Variants in AKAP6 observed in about 807,000 individuals in gnomAD.
AKAP6 encodes the protein A-kinase anchor protein 6.
In AKAP6, 58 loss-of-function variants were observed where a neutral mutation model predicts 188.5. The ratio of observed to expected loss-of-function variants is 0.31; its 90% confidence interval spans 0.25 to 0.38. AKAP6 has a LOEUF of 0.38. Ranked by LOEUF, AKAP6 falls within the 10% of genes least tolerant of loss-of-function variation. The probability of loss-of-function intolerance (pLI) is 1.00; values close to 1 mark genes in which losing one functional copy is unlikely to be tolerated. For missense variants in AKAP6, 2,710 were observed against 2,740.0 expected (o/e 0.99, Z 0.24); for synonymous variants, 989 against 998.6 (o/e 0.99, Z 0.18).
chr14:32,624,561 A>C (rs547624526), intron 7 of AKAP6, among the ~76,000 whole-genome samples: 2 of 152,288 alleles, frequency 1.3e-5, no homozygotes, highest in African/African-American at 4.8e-5. Flanking sequence ...CAGATTTCCT[A>C]TGTAAAAGAG....
chr14:32,559,169 A>T (rs963142419), intron 4 of AKAP6, among the ~76,000 whole-genome samples: 2 of 152,236 alleles, frequency 1.3e-5, no homozygotes, highest in African/African-American at 4.8e-5. Context: ...TTGAGTTTGA[A>T]CTTTATTCTC....
At chr14:32,645,996 T>C (rs1342505488) in intron 7 of AKAP6, among the ~76,000 whole-genome samples, 1 of 152,172 alleles carries the variant, frequency 6.6e-6, no homozygotes, top group Non-Finnish European at 1.5e-5. Flanking sequence ...GATGGCATTA[T>C]ATTTTAATGG....
At chr14:32,391,260 A>G (rs145470424) in intron 1 of AKAP6, among the ~76,000 whole-genome samples, 27 of 152,304 alleles carry the variant, frequency 1.8e-4, no homozygotes, top group Admixed American at 6.5e-4. Flanking sequence ...TGGAAGTTGC[A>G]AAATTCCTTG....
At chr14:32,776,880 G>C (rs2033083941) in intron 12 of AKAP6, among the ~76,000 whole-genome samples, 1 of 152,142 alleles carries the variant, frequency 6.6e-6, no homozygotes, top group Admixed American at 6.5e-5. Flanking sequence ...CTACAGGGCA[G>C]AGTGCCAAAG....
rs1374787778 is a variant in AKAP6 at position 32,466,924 on chromosome 14, A to C, written c.324+33107A>C. ...AAAACAATTGAGGAAATATATACAT[A>C]TATTGGACATTTGATAATATAAAGG... is the stretch of plus-strand genomic sequence containing the variant. On this transcript the variant is annotated intron_variant, in intron 2 of 13. Coordinates refer to ENST00000280979, the MANE Select transcript of AKAP6 (RefSeq NM_004274.5). Among the ~76,000 whole-genome samples the C allele has an allele frequency of 3.3e-5, 5 of 149,386 alleles. No individual in the cohort carries two copies. The South Asian group carries it at 1.0e-3, about 31-fold the overall frequency.
intron 1 of AKAP6, among the ~76,000 whole-genome samples, chr14:32,341,191 T>C (rs1886877190): frequency 6.6e-6 from 1 of 152,216 alleles, no homozygotes; most frequent in Non-Finnish European, 1.5e-5. Context: ...TTTCTATTTG[T>C]TTTTTCTCTT....
chr14:32,495,892 T>C (rs1259861072), intron 2 of AKAP6, among the ~76,000 whole-genome samples: 1 of 152,204 alleles, frequency 6.6e-6, no homozygotes, highest in Non-Finnish European at 1.5e-5. Flanking sequence ...ATAAACTCAG[T>C]TAAACTACTG....
At chr14:32,620,090 T>C (rs1292186418) in intron 7 of AKAP6, among the ~76,000 whole-genome samples, 1 of 151,796 alleles carries the variant, frequency 6.6e-6, no homozygotes. Context: ...GGAGGATTCT[T>C]TATGATCAAA....
intron 1 of AKAP6, among the ~76,000 whole-genome samples, chr14:32,330,062 C>T (rs1886483808): frequency 6.6e-6 from 1 of 152,078 alleles, no homozygotes; most frequent in Non-Finnish European, 1.5e-5. Context: ...CATATTTTTC[C>T]ATCTCTAGCT....
intron 2 of AKAP6, among the ~76,000 whole-genome samples, chr14:32,533,996 C>G (rs906835186): frequency 2.0e-5 from 3 of 152,122 alleles, no homozygotes; most frequent in Admixed American, 6.5e-5. Context: ...CCACTGTCAC[C>G]AATTAGTTCT....
chr14:32,335,652 G>A (rs948083076), intron 1 of AKAP6, among the ~76,000 whole-genome samples: 21 of 151,986 alleles, frequency 1.4e-4, no homozygotes, highest in Non-Finnish European at 2.5e-4. Flanking sequence ...TTGCTTTCAG[G>A]GGAGAAATCA....
rs1887869870 is a variant in AKAP6 at position 32,367,401 on chromosome 14, T to G, written c.-35+37993T>G. The stretch of plus-strand genomic sequence containing the variant: ...CATCTCCTTGCTTTTTAAAAATTAT[T>G]AATTGTTCAGGAGCTAAGTTTGTGA... On this transcript the variant is annotated intron_variant, in intron 1 of 13. Transcript: ENST00000280979. 2.0e-5 allele frequency among the ~76,000 whole-genome samples: 3 copies of G among 152,202 alleles called. No homozygotes were observed. The South Asian group carries it at 6.2e-4, about 32-fold the overall frequency.
At chr14:32,787,224 G>A (rs767277434) in intron 12 of AKAP6, among the ~76,000 whole-genome samples, 3 of 151,986 alleles carry the variant, frequency 2.0e-5, no homozygotes, top group African/African-American at 7.3e-5. Flanking sequence ...TGAAAGAAAG[G>A]GGGGGAACCC....
intron 12 of AKAP6, among the ~76,000 whole-genome samples, chr14:32,781,734 A>G (rs1024154894): frequency 6.6e-5 from 10 of 152,222 alleles, no homozygotes; most frequent in South Asian, 2.1e-4. Flanking sequence ...GCCTAGAAAT[A>G]CGTAGTTTCA....
At chr14:32,655,295 A>G (rs1888409190) in intron 7 of AKAP6, among the ~76,000 whole-genome samples, 1 of 152,146 alleles carries the variant, frequency 6.6e-6, no homozygotes, top group South Asian at 2.1e-4. Context: ...GTGAAACTGG[A>G]TGTGATTTCT....
chr14:32,731,311 A>G (rs538908816), intron 9 of AKAP6, among the ~76,000 whole-genome samples: 8 of 152,208 alleles, frequency 5.3e-5, no homozygotes, highest in African/African-American at 1.2e-4. Context: ...TCTGCTTCCA[A>G]TTGTATTTTT....
chr14:32,815,760 A>C (rs1401406236), intron 12 of AKAP6, among the ~76,000 whole-genome samples: 1 of 152,212 alleles, frequency 6.6e-6, no homozygotes, highest in Non-Finnish European at 1.5e-5. Flanking sequence ...GATGGCTGCC[A>C]GTCATTCCAC....
rs1252298776 is a variant in AKAP6, at chr14:32,388,500, T to C, written c.-34-44960T>C. Reference sequence around the variant, plus strand: ...ATGTAGGTGTTTAGGGCTATGAACTTTCCTCTTAACACTGCCTTTGCTATG... The same window carrying C: ...ATGTAGGTGTTTAGGGCTATGAACTCTCCTCTTAACACTGCCTTTGCTATG... On this transcript the variant is annotated intron_variant, in intron 1 of 13. Transcript: ENST00000280979. Among the ~76,000 whole-genome samples, 3 of 152,244 alleles carry C rather than the reference T, an allele frequency of 2.0e-5. No individual in the cohort carries two copies. In the East Asian group the frequency reaches 5.8e-4, roughly 29 times the overall value.
At chr14:32,394,362 A>G (rs1249182510) in intron 1 of AKAP6, among the ~76,000 whole-genome samples, 1 of 152,342 alleles carries the variant, frequency 6.6e-6, no homozygotes, top group East Asian at 1.9e-4. Context: ...GAGCCTGGCA[A>G]GTATGGTTAT....
Sources: gnomAD v4.1 joint callset for allele counts (sites outside exome capture counted in the v4.1 genomes callset) on GRCh38, gnomAD v4.1.1 for gene constraint, MANE v1.5 for transcripts, NCBI Gene and HGNC (gene_info 2026-07-23, HGNC 2026-07-21) for gene names.